The following GLCE variants were observed in gnomAD, a reference collection of about 807,000 sequenced individuals.
The protein encoded by GLCE is D-glucuronyl C5-epimerase.
GLCE carries 19 observed loss-of-function variants against 47.9 expected under a neutral mutation model. The observed-to-expected ratio is 0.40, with a 90% CI of 0.28 to 0.58. The LOEUF is 0.58. GLCE is among the 20% of genes least tolerant of loss of function. The probability of loss-of-function intolerance (pLI) is 0.48; values close to 1 mark genes in which losing one functional copy is unlikely to be tolerated. For synonymous variants in GLCE, 245 were observed against 263.4 expected (o/e 0.93, Z 0.68); for missense variants, 556 against 743.3 (o/e 0.75, Z 2.93).
rs770578250 is a variant in GLCE, at chr15:69,255,827, G to A, written c.21G>A (p.Arg7=). 2.5e-6 allele frequency: 4 copies of A among 1,610,002 alleles called. No individual in the cohort carries two copies. The highest frequency in any genetic ancestry group is 1.3e-5 in the African/African-American group (1 of 74,744). Reference sequence around the variant, plus strand: ...TGAATATGCGTTGCTTGGCAGCTCGGGTCAACTATAAGACTTTGATTATTA... The same window carrying A: ...TGAATATGCGTTGCTTGGCAGCTCGAGTCAACTATAAGACTTTGATTATTA... MRCLAA[R]VNYKTLIIIC... The change falls in exon 3 of 5, where the codon CGG becomes CGA. Residue 7 remains arginine (R), a synonymous_variant. Coordinates refer to ENST00000261858, the MANE Select transcript of GLCE (RefSeq NM_015554.3).
Position 69,203,834 on chromosome 15 carries a change from G to T in GLCE, c.-104-6482G>T, listed in dbSNP as rs116547097. Among the ~76,000 whole-genome samples the T allele has an allele frequency of 4.7e-3, 720 of 152,094 alleles. 4 individuals carry two copies. Among genetic ancestry groups the T allele is most frequent in the African/African-American group, 0.016 (682 of 41,480 alleles). On this transcript the variant is annotated intron_variant, in intron 1 of 4. Transcript: ENST00000261858. Reference sequence around the variant, plus strand: ...TTCTTTTAAATATAATAATCTGAAGGTGTTGCTAAATTTACTAGCCCAACT... The same window carrying T: ...TTCTTTTAAATATAATAATCTGAAGTTGTTGCTAAATTTACTAGCCCAACT...
At chr15:69,201,283 G>T (rs1015531926) in intron 1 of GLCE, among the ~76,000 whole-genome samples, 1 of 152,060 alleles carries the variant, frequency 6.6e-6, no homozygotes, top group African/African-American at 2.4e-5. Context: ...GAGGGCCATT[G>T]TTCTGCCTGT....
At chr15:69,237,159 T>C (rs1032481845) in intron 2 of GLCE, among the ~76,000 whole-genome samples, 2 of 152,222 alleles carry the variant, frequency 1.3e-5, no homozygotes, top group African/African-American at 4.8e-5. Context: ...GTATTGTTTA[T>C]TCTACCAGAT....
intron 2 of GLCE, among the ~76,000 whole-genome samples, chr15:69,220,377 T>C (rs1308710112): frequency 6.6e-6 from 1 of 152,158 alleles, no homozygotes; most frequent in East Asian, 1.9e-4. Context: ...AACCTGCACA[T>C]GTAAGTGGCT....
chr15:69,198,880 T>A (rs2052035194), intron 1 of GLCE, among the ~76,000 whole-genome samples: 1 of 152,084 alleles, frequency 6.6e-6, no homozygotes, highest in Non-Finnish European at 1.5e-5. Flanking sequence ...ATAAGCAAGT[T>A]ACTAGGTCTA....
At chr15:69,180,660 T>G (rs755246557) in intron 1 of GLCE, among the ~76,000 whole-genome samples, 15 of 152,186 alleles carry the variant, frequency 9.9e-5, no homozygotes, top group Non-Finnish European at 1.6e-4. Context: ...TTGAAGAAGC[T>G]TGTCATTGGA....
At chr15:69,226,167 C>A (rs2052444790) in intron 2 of GLCE, among the ~76,000 whole-genome samples, 1 of 152,082 alleles carries the variant, frequency 6.6e-6, no homozygotes. Context: ...AAACTACCTA[C>A]CTTTAGGTGA....
chr15:69,258,396 A>G (rs921325251), intron 3 of GLCE, among the ~76,000 whole-genome samples: 2 of 152,176 alleles, frequency 1.3e-5, no homozygotes, highest in African/African-American at 2.4e-5. Context: ...TGTATGGTCA[A>G]TTTTTATTCT....
chr15:69,188,748 C>T (rs2051869230), intron 1 of GLCE, among the ~76,000 whole-genome samples: 1 of 152,154 alleles, frequency 6.6e-6, no homozygotes, highest in African/African-American at 2.4e-5. Flanking sequence ...ATTTATCTCT[C>T]TCACTTGTGA....
intron 2 of GLCE, among the ~76,000 whole-genome samples, chr15:69,233,849 G>A (rs553973806): frequency 6.6e-6 from 1 of 152,216 alleles, no homozygotes; most frequent in African/African-American, 2.4e-5. Flanking sequence ...CTGTCTTAAG[G>A]AAGCAATTTT....
intron 1 of GLCE, among the ~76,000 whole-genome samples, chr15:69,182,298 T>TGTGTGTGAGAGAGA (rs1446237319): frequency 2.8e-4 from 41 of 145,720 alleles, no homozygotes; most frequent in African/African-American, 9.4e-4. Context: ...TGTGTGTGTG[T>TGTGTGTGAGAGAGA]GAGAGAGAGA....
At chr15:69,245,386 T>C (rs900575218) in intron 2 of GLCE, among the ~76,000 whole-genome samples, 1 of 151,418 alleles carries the variant, frequency 6.6e-6, no homozygotes, top group Non-Finnish European at 1.5e-5. Flanking sequence ...ACTTCATTGC[T>C]TAAAAATTGT....
chr15:69,249,124 T>C (rs1033193365), intron 2 of GLCE, among the ~76,000 whole-genome samples: 3 of 152,162 alleles, frequency 2.0e-5, no homozygotes, highest in African/African-American at 4.8e-5. Context: ...TTCTAATACA[T>C]TGGCATTTAA....
chr15:69,213,904 T>C lies in GLCE; in HGVS notation c.-14+3498T>C, dbSNP rs192241726. On this transcript the variant is annotated intron_variant, in intron 2 of 4. Transcript: ENST00000261858. ...AGTGTGAACTCATAGATATTTATTT[T>C]ATTCTCTGGATTAGAATCAAAATTC... Among the ~76,000 whole-genome samples the C allele has an allele frequency of 3.9e-5, 6 of 152,308 alleles. No homozygotes were observed. The East Asian group carries it at 1.2e-3, about 29-fold the overall frequency.
chr15:69,200,475 A>C (rs927472716), intron 1 of GLCE, among the ~76,000 whole-genome samples: 1 of 152,180 alleles, frequency 6.6e-6, no homozygotes, highest in Non-Finnish European at 1.5e-5. Context: ...AAGCTGACCA[A>C]ACATTCTAAC....
chr15:69,162,301 T>G (rs2051436679), intron 1 of GLCE, among the ~76,000 whole-genome samples: 1 of 150,846 alleles, frequency 6.6e-6, no homozygotes, highest in South Asian at 2.1e-4. Flanking sequence ...ATGACTTGTA[T>G]GTATGTGTAT....
intron 2 of GLCE, among the ~76,000 whole-genome samples, chr15:69,250,702 A>G (rs1383490911): frequency 6.7e-6 from 1 of 149,792 alleles, no homozygotes; most frequent in East Asian, 2.0e-4. Flanking sequence ...TAATGTGGAC[A>G]CCCGATCGGC....
intron 2 of GLCE, among the ~76,000 whole-genome samples, chr15:69,218,833 A>G (rs1165345807): frequency 6.6e-6 from 1 of 152,198 alleles, no homozygotes; most frequent in African/African-American, 2.4e-5. Flanking sequence ...AATAATGCAC[A>G]TATCTGCATT....
At chr15:69,197,820 G>A (rs1220065411) in intron 1 of GLCE, among the ~76,000 whole-genome samples, 3 of 152,224 alleles carry the variant, frequency 2.0e-5, no homozygotes, top group South Asian at 2.1e-4. Flanking sequence ...GGTGTGTAGA[G>A]TTAAGAGAGT....
Sources: allele counts gnomAD v4.1 joint callset (sites outside exome capture counted in the v4.1 genomes callset), GRCh38; gene constraint gnomAD v4.1.1; transcripts MANE v1.5; gene names NCBI Gene and HGNC (gene_info 2026-07-23, HGNC 2026-07-21).